LVRN: variants seen among roughly 807,000 people sequenced by gnomAD.
LVRN encodes the protein aminopeptidase Q.
In LVRN, 99 loss-of-function variants were observed where a neutral mutation model predicts 111.4. The observed-to-expected ratio is 0.89, with a 90% CI of 0.76 to 1.05. LVRN has a LOEUF of 1.05. Among genes scored for constraint, LVRN ranks in the 50% least tolerant of loss-of-function variants. The pLI is 0.00. For missense variants in LVRN, 1,414 were observed against 1,206.8 expected (o/e 1.17, Z -2.54); for synonymous variants, 488 against 449.5 (o/e 1.09, Z -1.08).
chr5:115,999,896 C>G lies in LVRN; in HGVS notation c.1509C>G (p.Tyr503Ter), dbSNP rs747055215. The change falls in exon 7 of 20, where the codon TAC (tyrosine) becomes TAG (stop). Residue 503 changes from tyrosine (Y) to a stop codon, truncating the protein, a stop_gained. Transcript: ENST00000357872. LOFTEE classifies it high-confidence loss of function. ...AGGAACTCTTTGACATATTTACTTA[C>G]AGCAAGGTAAAAGCAGTTAGAAATT... The part of the protein sequence containing the change: ...EIQELFDIFT[Y>*]SKGASMARML... 1 of 1,607,428 alleles carries G rather than the reference C, an allele frequency of 6.2e-7. No homozygotes were observed.
intron 10 of LVRN, among the ~76,000 whole-genome samples, chr5:116,002,437 T>C (rs1748255297): frequency 6.6e-6 from 1 of 152,234 alleles, no homozygotes; most frequent in South Asian, 2.1e-4. Context: ...GAAGTGATTG[T>C]CAAGCTTTTC....
In LVRN at chr5:116,015,271, G is replaced by T. The variant is rs1250564115; in HGVS notation, c.2470G>T (p.Asp824Tyr). The change falls in exon 17 of 20, where the codon GAT (aspartate) becomes TAT (tyrosine). Residue 824 changes from aspartate (D) to tyrosine (Y), a missense_variant. Coordinates refer to ENST00000357872, the MANE Select transcript of LVRN (RefSeq NM_173800.5). ...TTACAGAATACCTTATCCAATTAAA[G>T]ATGTGGTTTTATGTTATGGCATTGC... ...PENEIPYPIK[D>Y]VVLCYGIALG... The T allele has an allele frequency of 1.2e-6, 2 of 1,601,144 alleles. No individual in the cohort carries two copies. Among genetic ancestry groups the T allele is most frequent in the African/African-American group, 2.7e-5 (2 of 74,256 alleles).
intron 13 of LVRN, among the ~76,000 whole-genome samples, chr5:116,008,900 G>A (rs1748432131): frequency 3.9e-5 from 6 of 152,226 alleles, no homozygotes; most frequent in Admixed American, 3.9e-4. Context: ...TTATCCAGAA[G>A]ATCTAGCTAA....
At chr5:116,011,941 C>CT (rs201972187) in intron 14 of LVRN, among the ~76,000 whole-genome samples, 2,680 of 150,990 alleles carry the variant, frequency 0.018, 40 homozygotes, top group Middle Eastern at 0.041. Context: ...TAAACCAGTT[C>CT]TTTTTTTTTG....
chr5:116,015,568 T>C, intron 17 of LVRN, 60 bp from the exon 18 acceptor site: 1 of 1,540,386 alleles, frequency 6.5e-7, no homozygotes, highest in East Asian at 2.3e-5. Flanking sequence ...TTTTGTTTAT[T>C]TAAATTAACT....
chr5:116,003,245 A>G lies in LVRN; in HGVS notation c.1902A>G (p.Val634=). ...PLVWLDQSSK[V]FPEMQVSDSD... is the part of the protein sequence containing the mutation. ...TATTCCCATATTCCTTTATAGAAGT[A>G]TTCCCAGAAATGCAAGTTTCAGATT... is the stretch of plus-strand genomic sequence containing the variant. Residue 634 remains valine (V), a synonymous_variant, in exon 12 of 20, where the codon GTA becomes GTG. Coordinates refer to ENST00000357872, the MANE Select transcript of LVRN (RefSeq NM_173800.5). 1 of 1,579,258 alleles carries G rather than the reference A, an allele frequency of 6.3e-7. No homozygotes were observed. The highest frequency in any genetic ancestry group is 8.6e-7 in the Non-Finnish European group (1 of 1,162,934).
chr5:116,001,167 T>C lies in LVRN; in HGVS notation c.1748T>C (p.Val583Ala), dbSNP rs1748230026. 1.9e-6 allele frequency: 3 copies of C among 1,613,922 alleles called. No homozygotes were observed. The East Asian group carries it at 6.7e-5, about 36-fold the overall frequency. The stretch of plus-strand genomic sequence containing the variant: ...GGTTTTCCAGTGATCACTTTAAATG[T>C]GTCTACTGGCGTCATGAAACAGGAG... The part of the protein sequence containing the change: ...QSGFPVITLN[V>A]STGVMKQEPF... Residue 583 changes from valine (V) to alanine (A), a missense_variant, in exon 10 of 20, where the codon GTG becomes GCG. By Grantham distance (64) the Val-to-Ala change is moderately conservative (BLOSUM62 0). Transcript: ENST00000357872.
intron 13 of LVRN, among the ~76,000 whole-genome samples, chr5:116,006,169 A>G (rs144341440): frequency 2.6e-5 from 4 of 152,186 alleles, no homozygotes; most frequent in African/African-American, 7.2e-5. Context: ...AAGATGTGGC[A>G]GTGATTTCTG....
intron 1 of LVRN, among the ~76,000 whole-genome samples, chr5:115,964,840 A>T (rs1003285524): frequency 6.6e-6 from 1 of 152,254 alleles, no homozygotes; most frequent in African/African-American, 2.4e-5. Context: ...AAACCAAGGT[A>T]GAGCTCCAAA....
intron 18 of LVRN, chr5:116,021,822 C>G (rs996259316): frequency 7.6e-6 from 3 of 393,626 alleles, no homozygotes; most frequent in Non-Finnish European, 1.5e-5. Flanking sequence ...TCTAGATATT[C>G]AGGGACACTA....
Position 115,962,706 on chromosome 5 carries a change from T to A in LVRN, c.89T>A (p.Leu30Gln). 1 of 1,611,616 alleles carries A rather than the reference T, an allele frequency of 6.2e-7. No homozygotes were observed. Among genetic ancestry groups the A allele is most frequent in the Non-Finnish European group, 8.5e-7 (1 of 1,179,632 alleles). The change falls in exon 1 of 20, where the codon CTG becomes CAG. Residue 30 changes from leucine (L) to glutamine (Q), a missense_variant. Transcript: ENST00000357872. ...CTGGTAGCCGCCCTCCTGCTGGCGC[T>A]GGCCGTACTCGCCGCCTTGTACGGC... ...AGLVAALLLA[L>Q]AVLAALYGHC...
chr5:116,003,332 T>C lies in LVRN; in HGVS notation c.1989T>C (p.Asp663=). ...NMTGYYRVNY[D]KLGWKKLNQQ... is the part of the protein sequence containing the mutation. ...CTGGATATTATAGAGTTAATTATGA[T>C]AAATTAGGTTGGAAGAAACTAAATC... The change falls in exon 12 of 20, where the codon GAT becomes GAC. Residue 663 remains aspartate, a synonymous_variant. Coordinates refer to ENST00000357872, the MANE Select transcript of LVRN (RefSeq NM_173800.5). 2.6e-6 allele frequency: 4 copies of C among 1,526,904 alleles called. No individual in the cohort carries two copies. Among genetic ancestry groups the C allele is most frequent in the Non-Finnish European group, 2.7e-6 (3 of 1,123,296 alleles). 94.6% of individuals were successfully genotyped at this position (1,526,904 alleles called of 1,614,324 possible).
intron 3 of LVRN, among the ~76,000 whole-genome samples, chr5:115,986,262 A>G (rs1370060628): frequency 6.6e-6 from 1 of 152,198 alleles, no homozygotes; most frequent in East Asian, 1.9e-4. Flanking sequence ...ATATTTTTAA[A>G]TCTGCTCAGG....
At chr5:116,012,254 T>G in intron 14 of LVRN, 120 bp from the exon 15 acceptor site, 1 of 621,802 alleles carries the variant, frequency 1.6e-6, no homozygotes, top group Non-Finnish European at 2.9e-6. Context: ...TAAAGGTAAT[T>G]TCTGAAGAAA....
intron 5 of LVRN, among the ~76,000 whole-genome samples, chr5:115,993,211 T>TTTTC (rs763879118): frequency 3.1e-4 from 45 of 146,396 alleles, no homozygotes; most frequent in African/African-American, 8.1e-4. Context: ...TTTTTTTTTT[T>TTTTC]CTGTTCAGTT....
intron 13 of LVRN, 58 bp from the exon 14 acceptor site, chr5:116,010,683 A>G (rs1430109226): frequency 3.3e-6 from 5 of 1,534,516 alleles, no homozygotes; most frequent in Non-Finnish European, 4.4e-6. Context: ...TATCGAACGT[A>G]TGCAAATTAC....
intron 1 of LVRN, among the ~76,000 whole-genome samples, chr5:115,968,622 G>C (rs532766143): frequency 3.3e-5 from 5 of 152,214 alleles, no homozygotes; most frequent in Admixed American, 3.3e-4. Context: ...AAGAGCCCTT[G>C]CTGTATAGTA....
intron 1 of LVRN, among the ~76,000 whole-genome samples, chr5:115,979,824 G>A (rs750755588): frequency 1.4e-4 from 21 of 152,154 alleles, no homozygotes; most frequent in South Asian, 2.1e-4. Flanking sequence ...ATACTTGACC[G>A]GCTATGCTAT....
In LVRN at chr5:115,977,773, A is replaced by T. The variant is rs74975644; in HGVS notation, c.696-5514A>T. On this transcript the variant is annotated intron_variant, in intron 1 of 19. Transcript: ENST00000357872. ...GGGGAGTCAGTTTTCACATCTGTCA[A>T]TTAAGATGGTGGGACTCTTTAAGGT... 3.0e-4 allele frequency among the ~76,000 whole-genome samples: 45 copies of T among 152,226 alleles called. 1 individual carries two copies. The East Asian group carries it at 5.6e-3, about 19-fold the overall frequency.
Sources: allele counts gnomAD v4.1 joint callset (sites outside exome capture counted in the v4.1 genomes callset), GRCh38; gene constraint gnomAD v4.1.1; transcripts MANE v1.5; gene names NCBI Gene and HGNC (gene_info 2026-07-23, HGNC 2026-07-21).